The following AKAP13 variants were observed in gnomAD, a reference collection of about 807,000 sequenced individuals.
AKAP13 encodes the protein A-kinase anchoring protein 13, also known as A-kinase anchor protein 13.
In AKAP13, 80 loss-of-function variants were observed where a neutral mutation model predicts 264.5. The observed-to-expected ratio is 0.30, with a 90% confidence interval of 0.25 to 0.36. AKAP13 has a LOEUF of 0.36. Ranked by LOEUF, AKAP13 falls within the 10% of genes least tolerant of loss-of-function variation. The probability of loss-of-function intolerance (pLI) is 1.00; values close to 1 mark genes in which losing one functional copy is unlikely to be tolerated. For missense variants in AKAP13, 3,712 were observed against 3,435.2 expected (o/e 1.08, Z -2.01); for synonymous variants, 1,380 against 1,250.2 (o/e 1.10, Z -2.19).
chr15:85,650,785 A>AAAAAAC (rs1567175483), intron 10 of AKAP13, among the ~76,000 whole-genome samples: 8 of 136,164 alleles, frequency 5.9e-5, no homozygotes, highest in Non-Finnish European at 1.1e-4. Context: ...AAAAAAAAAA[A>AAAAAAC]AAAAACAACA....
chr15:85,510,320 T>C (rs1352479899), intron 2 of AKAP13, among the ~76,000 whole-genome samples: 2 of 152,302 alleles, frequency 1.3e-5, no homozygotes, highest in South Asian at 4.1e-4. Flanking sequence ...TTCTTCAAGG[T>C]AGAGTTTGGG....
chr15:85,710,879 C>T lies in AKAP13; in HGVS notation c.5599+234C>T, dbSNP rs370890651. ...TCTGTGTATTAGCTTAAAGGCAGCA[C>T]CTTTGCCCTGTGTGTTTAAGCAAGT... On this transcript the variant is annotated intron_variant, in intron 19 of 36. Transcript: ENST00000394518. Among the ~76,000 whole-genome samples the T allele has an allele frequency of 2.0e-5, 3 of 152,300 alleles. No homozygotes were observed. In the South Asian group the frequency reaches 6.2e-4, roughly 32 times the overall value.
rs547283761 is a variant in AKAP13, at chr15:85,748,875, C to G, written c.*4198C>G. 2 of 152,624 alleles carry G rather than the reference C, an allele frequency of 1.3e-5. No individual in the cohort carries two copies. The highest frequency in any genetic ancestry group is 4.8e-5 in the African/African-American group (2 of 41,598). The allele number at this position is 152,624 out of a possible 1,614,324, so 9.5% of individuals were successfully genotyped here. ...GGGGCTTCTGCAGGAAGCACTCACC[C>G]CCCACACCTTCCCCGGCCTGAGCTT... On this transcript the variant is annotated 3_prime_UTR_variant, in exon 37 of 37. Coordinates refer to ENST00000394518, the MANE Select transcript of AKAP13 (RefSeq NM_007200.5).
intron 15 of AKAP13, among the ~76,000 whole-genome samples, chr15:85,683,101 T>A (rs948613509): frequency 1.3e-5 from 2 of 152,210 alleles, no homozygotes; most frequent in Admixed American, 1.3e-4. Context: ...GTTGCCTTCT[T>A]TTTCACAGAG....
chr15:85,492,909 A>G (rs1442319069), intron 2 of AKAP13, among the ~76,000 whole-genome samples: 1 of 152,234 alleles, frequency 6.6e-6, no homozygotes, highest in Non-Finnish European at 1.5e-5. Context: ...TTAAGGTGGT[A>G]TTGAATCTAC....
At chr15:85,587,072 C>T (rs2079391077) in intron 8 of AKAP13, among the ~76,000 whole-genome samples, 1 of 152,100 alleles carries the variant, frequency 6.6e-6, no homozygotes, top group Admixed American at 6.5e-5. Flanking sequence ...AATAGATTTA[C>T]AGAGTTCTGC....
At chr15:85,732,479 T>C (rs537527979) in intron 30 of AKAP13, among the ~76,000 whole-genome samples, 1 of 149,786 alleles carries the variant, frequency 6.7e-6, no homozygotes, top group South Asian at 2.1e-4. Context: ...TTATATGTTT[T>C]ACATCATATA....
intron 17 of AKAP13, chr15:85,702,437 G>T (rs57097103): frequency 1.3e-5 from 2 of 152,138 alleles, no homozygotes; most frequent in East Asian, 3.8e-4. Context: ...GAGTAATTTG[G>T]GGACGCAGAA....
In AKAP13 at chr15:85,710,608, C is replaced by G; in HGVS notation, c.5562C>G (p.Asp1854Glu). The G allele has an allele frequency of 6.2e-7, 1 of 1,614,020 alleles. No homozygotes were observed. The highest frequency in any genetic ancestry group is 8.5e-7 in the Non-Finnish European group (1 of 1,179,948). Residue 1854 changes from aspartate to glutamate, a missense_variant, in exon 19 of 37, where the codon GAC becomes GAG. Asp to Glu is a conservative substitution (Grantham distance 45, BLOSUM62 2). Around this residue, in one of 3 missense-constraint regions of AKAP13, gnomAD observed 2,759 missense variants for 2,411.7 expected, o/e 1.14. Transcript: ENST00000394518. ...KQPKGSLQAH[D>E]TSSLPTVIMR... is the part of the protein sequence containing the mutation. ...CCAAAGGGAGCCTTCAGGCACATGA[C>G]ACATCATCACTGCCCACGGTCATTA...
At chr15:85,490,314 A>G (rs1440977668) in intron 2 of AKAP13, among the ~76,000 whole-genome samples, 1 of 152,266 alleles carries the variant, frequency 6.6e-6, no homozygotes, top group East Asian at 1.9e-4. Flanking sequence ...AGCTGATGCC[A>G]TCATTGGGTA....
intron 1 of AKAP13, among the ~76,000 whole-genome samples, chr15:85,466,161 G>A (rs567766810): frequency 6.6e-6 from 1 of 150,570 alleles, no homozygotes; most frequent in African/African-American, 2.4e-5. Flanking sequence ...CTTTTGAGAA[G>A]TGTCTGTTCA....
At chr15:85,493,103 A>G (rs893018604) in intron 2 of AKAP13, among the ~76,000 whole-genome samples, 3 of 152,250 alleles carry the variant, frequency 2.0e-5, no homozygotes, top group Non-Finnish European at 4.4e-5. Flanking sequence ...TAATGTCAAC[A>G]GAGAGCTCAT....
intron 5 of AKAP13, among the ~76,000 whole-genome samples, chr15:85,563,542 A>G (rs1057180917): frequency 6.6e-6 from 1 of 151,992 alleles, no homozygotes; most frequent in Non-Finnish European, 1.5e-5. Context: ...TTTTTCTCTT[A>G]AAGACCTCTT....
At chr15:85,413,298 G>A (rs2072073460) in intron 1 of AKAP13, among the ~76,000 whole-genome samples, 1 of 152,206 alleles carries the variant, frequency 6.6e-6, no homozygotes, top group South Asian at 2.1e-4. Context: ...GACCGTAACT[G>A]GAAGACTGTG....
At chr15:85,468,068 C>G (rs1264115260) in intron 1 of AKAP13, among the ~76,000 whole-genome samples, 1 of 152,228 alleles carries the variant, frequency 6.6e-6, no homozygotes, top group Non-Finnish European at 1.5e-5. Context: ...GGTTCTTAAA[C>G]TCTTTCTTGG....
chr15:85,449,964 A>G (rs2074026064), intron 1 of AKAP13, among the ~76,000 whole-genome samples: 1 of 151,898 alleles, frequency 6.6e-6, no homozygotes, highest in Non-Finnish European at 1.5e-5. Flanking sequence ...TTCCTCCTCA[A>G]TTTTTTGTAA....
At chr15:85,685,802 C>G (rs986549106) in intron 16 of AKAP13, among the ~76,000 whole-genome samples, 1 of 152,088 alleles carries the variant, frequency 6.6e-6, no homozygotes, top group Admixed American at 6.6e-5. Flanking sequence ...CATTTTTTAT[C>G]TAATTATTTT....
intron 2 of AKAP13, among the ~76,000 whole-genome samples, chr15:85,500,679 A>G (rs910776774): frequency 1.3e-5 from 2 of 152,112 alleles, no homozygotes; most frequent in African/African-American, 2.4e-5. Context: ...TTTCCCCCCC[A>G]GAGATTCTGC....
chr15:85,431,737 CATTTTAAAGT>C (rs962206424), intron 1 of AKAP13, among the ~76,000 whole-genome samples: 1 of 152,084 alleles, frequency 6.6e-6, no homozygotes, highest in African/African-American at 2.4e-5. Flanking sequence ...TATTTTAAAA[CATTTTAAAGT>C]GGTTTACATT....
Sources: allele counts gnomAD v4.1 joint callset (sites outside exome capture counted in the v4.1 genomes callset), GRCh38; gene constraint gnomAD v4.1.1; regional missense constraint gnomAD v4.1.1; transcripts MANE v1.5; gene names NCBI Gene and HGNC (gene_info 2026-07-23, HGNC 2026-07-21).